Variants in ASTN1 observed in about 807,000 individuals in gnomAD.
ASTN1 encodes astrotactin-1.
ASTN1 carries 41 observed loss-of-function variants against 140.7 expected under a neutral mutation model. The ratio of observed to expected loss-of-function variants is 0.29; its 90% CI spans 0.23 to 0.38. The LOEUF is 0.38. Among genes scored for constraint, ASTN1 ranks in the 10% least tolerant of loss-of-function variants. The pLI, the probability that ASTN1 is intolerant of heterozygous loss-of-function variation, is 1.00. For synonymous variants in ASTN1, 640 were observed against 652.2 expected, an observed-to-expected ratio of 0.98 and a Z score of 0.29; for missense variants, 1,479 against 1,678.8, an observed-to-expected ratio of 0.88 and a Z score of 2.08.
chr1:177,024,516 C>T, intron 6 of ASTN1, 67 bp downstream of exon 6: 2 of 1,572,628 alleles, frequency 1.3e-6, no homozygotes, highest in African/African-American at 2.7e-5. Context: ...TCTTCTCTAG[C>T]CTTTGCCCAA....
intron 1 of ASTN1, among the ~76,000 whole-genome samples, chr1:177,107,128 C>A (rs78288769): frequency 0.03 from 4,567 of 152,116 alleles, 113 homozygotes; most frequent in East Asian, 0.1. Flanking sequence ...GCTGCATGGG[C>A]GTCACATGGG....
At chr1:176,879,995 T>G (rs932256689) in intron 20 of ASTN1, among the ~76,000 whole-genome samples, 2 of 152,190 alleles carry the variant, frequency 1.3e-5, no homozygotes, top group East Asian at 1.9e-4. Context: ...GTTAGCGTTA[T>G]CGTTTCTACC....
chr1:176,865,711 G>T (rs1219911010), intron 22 of ASTN1, among the ~76,000 whole-genome samples: 1 of 152,246 alleles, frequency 6.6e-6, no homozygotes, highest in Non-Finnish European at 1.5e-5. Flanking sequence ...TCAACAATTT[G>T]TATTAGTCCG....
chr1:176,872,770 C>T (rs1042978774), intron 21 of ASTN1, among the ~76,000 whole-genome samples: 7 of 152,274 alleles, frequency 4.6e-5, no homozygotes, highest in African/African-American at 1.2e-4. Context: ...ATCTCTGTAC[C>T]GCTGCTCCCT....
intron 14 of ASTN1, among the ~76,000 whole-genome samples, chr1:176,938,845 G>T (rs950421658): frequency 6.6e-6 from 1 of 152,152 alleles, no homozygotes; most frequent in Non-Finnish European, 1.5e-5. Context: ...TGGGCGTGGT[G>T]GCTCATGCCT....
intron 2 of ASTN1, among the ~76,000 whole-genome samples, chr1:177,036,639 T>C (rs1295242426): frequency 1.3e-5 from 2 of 152,160 alleles, no homozygotes; most frequent in Non-Finnish European, 2.9e-5. Context: ...TTCTCTGAAA[T>C]GCTCTACCTG....
At chr1:176,935,609 CTA>C (rs1303891353) in intron 15 of ASTN1, among the ~76,000 whole-genome samples, 1 of 152,158 alleles carries the variant, frequency 6.6e-6, no homozygotes, top group Non-Finnish European at 1.5e-5. Flanking sequence ...CATAACTTTT[CTA>C]TTTGTCCTCT....
At chr1:177,097,828 C>T (rs983811101) in intron 1 of ASTN1, among the ~76,000 whole-genome samples, 22 of 152,196 alleles carry the variant, frequency 1.4e-4, no homozygotes, top group Non-Finnish European at 2.1e-4. Context: ...TAATCGATTA[C>T]GCCTATATAA....
At position 176,969,072 on chromosome 1, in the gene ASTN1, G is replaced by A. The variant is rs917954199; in HGVS notation, c.1524-3835C>T. On this transcript the variant is annotated intron_variant, in intron 8 of 22. Transcript: ENST00000361833. The stretch of plus-strand genomic sequence containing the variant: ...AAAAGCACTCATAACGCTTTGAAAC[G>A]GACTTACTTGAGACCCACTGAAAGA... Among the ~76,000 whole-genome samples the A allele has an allele frequency of 3.3e-5, 5 of 152,100 alleles. 1 individual carries two copies. Among genetic ancestry groups the A allele is most frequent in the Admixed American group, 1.3e-4 (2 of 15,262 alleles).
Position 177,164,625 on chromosome 1 carries a change from C to T in ASTN1, c.52G>A (p.Ala18Thr), listed in dbSNP as rs1345967436. ...TCGCCGGCGGCCGTGGCCAGCACCG[C>T]CGCCGGCCCCCAGCAGCAGGCGAGC... ...ALLACCWGPA[A>T]VLATAAGDVD... Residue 18 changes from alanine to threonine, a missense_variant, in exon 1 of 23, where the codon GCG becomes ACG. Transcript: ENST00000361833. 53 of 1,608,538 alleles carry T rather than the reference C, an allele frequency of 3.3e-5. No homozygotes were observed. The highest frequency in any genetic ancestry group is 4.3e-5 in the Non-Finnish European group (51 of 1,177,570).
chr1:176,945,822 A>G lies in ASTN1; in HGVS notation c.2249+104T>C, dbSNP rs1401415709. On this transcript the variant is annotated intron_variant, in intron 13 of 22. Transcript: ENST00000361833. The stretch of plus-strand genomic sequence containing the variant: ...TGTAGTCTATCCCTTTAGACATATC[A>G]TATTTACCCTGCTCCAACATATAAA... The G allele has an allele frequency of 9.3e-6, 11 of 1,188,004 alleles. No individual in the cohort carries two copies. In the East Asian group the frequency reaches 2.6e-4, roughly 28 times the overall value. 73.6% of individuals were successfully genotyped at this position (1,188,004 alleles called of 1,614,324 possible).
intron 20 of ASTN1, among the ~76,000 whole-genome samples, chr1:176,881,338 G>T (rs1006898440): frequency 4.6e-5 from 7 of 152,232 alleles, no homozygotes; most frequent in Non-Finnish European, 1.0e-4. Flanking sequence ...CTCGGTCTCT[G>T]ATCAGAAACG....
At chr1:176,977,691 G>A (rs1571595773) in intron 8 of ASTN1, among the ~76,000 whole-genome samples, 1 of 152,298 alleles carries the variant, frequency 6.6e-6, no homozygotes, top group South Asian at 2.1e-4. Context: ...AGGCACAGCT[G>A]TTATATTAGT....
chr1:177,146,382 T>G (rs1682723182), intron 1 of ASTN1, among the ~76,000 whole-genome samples: 1 of 152,226 alleles, frequency 6.6e-6, no homozygotes, highest in Non-Finnish European at 1.5e-5. Context: ...ATTAATTTCT[T>G]AAAGGTGACT....
intron 19 of ASTN1, 148 bp from the exon 20 acceptor site, chr1:176,883,142 T>A: frequency 8.5e-7 from 1 of 1,177,760 alleles, no homozygotes; most frequent in Non-Finnish European, 1.2e-6. Flanking sequence ...AGGAATGGCC[T>A]TTTCTATTTC....
chr1:177,003,944 A>G (rs1674866261), intron 8 of ASTN1, among the ~76,000 whole-genome samples: 1 of 152,204 alleles, frequency 6.6e-6, no homozygotes, highest in Admixed American at 6.5e-5. Flanking sequence ...CCCCACTTCT[A>G]TTCAACATAG....
chr1:177,010,389 G>T (rs958644400), intron 8 of ASTN1, among the ~76,000 whole-genome samples: 7 of 152,198 alleles, frequency 4.6e-5, no homozygotes, highest in African/African-American at 1.7e-4. Flanking sequence ...GTGCCTGGCA[G>T]CAGGGTCACA....
intron 1 of ASTN1, among the ~76,000 whole-genome samples, chr1:177,132,524 C>A (rs1420044070): frequency 6.6e-6 from 1 of 152,130 alleles, no homozygotes; most frequent in Middle Eastern, 3.2e-3. Flanking sequence ...GCAGATATAC[C>A]AGCAGCAGGG....
chr1:177,101,220 A>G (rs1412941786), intron 1 of ASTN1, among the ~76,000 whole-genome samples: 2 of 152,324 alleles, frequency 1.3e-5, no homozygotes, highest in Admixed American at 6.5e-5. Context: ...TCTAACTAAA[A>G]TGCATTTATC....
Sources: allele counts gnomAD v4.1 joint callset (sites outside exome capture counted in the v4.1 genomes callset), GRCh38; gene constraint gnomAD v4.1.1; transcripts MANE v1.5; gene names NCBI Gene and HGNC (gene_info 2026-07-23, HGNC 2026-07-21).